The following ABL1 variants were observed in gnomAD, a reference collection of about 807,000 sequenced individuals.
ABL1 encodes ABL proto-oncogene 1, non-receptor tyrosine kinase, also known as tyrosine-protein kinase ABL1.
A neutral mutation model predicts 94.7 loss-of-function variants in ABL1; 11 were observed. That is an observed-to-expected ratio of 0.12 (90% CI 0.07 to 0.19). The LOEUF (loss-of-function observed/expected upper bound fraction) is 0.19, where lower values mean the gene tolerates loss of function less well. Ranked by LOEUF, ABL1 falls within the 10% of genes least tolerant of loss-of-function variation. The pLI is 1.00. For synonymous variants in ABL1, 656 were observed against 622.4 expected, an observed-to-expected ratio of 1.05 and a Z score of -0.80; for missense variants, 1,082 against 1,489.4, an observed-to-expected ratio of 0.73 and a Z score of 4.50.
Position 130,727,963 on chromosome 9 carries a change from T to C in ABL1, c.136+13508T>C, listed in dbSNP as rs142310407. ...AATATTATTGATCTAGGCACACTTC[T>C]GGTAAGACTAATGAAGAAAAAGAAA... On this transcript the variant is annotated intron_variant, in intron 1 of 10. Transcript: ENST00000372348. Among the ~76,000 whole-genome samples, 1,212 of 152,194 alleles carry C rather than the reference T, an allele frequency of 8.0e-3. 15 individuals are homozygous for C. Among genetic ancestry groups the C allele is most frequent in the African/African-American group, 0.027 (1,126 of 41,504 alleles).
intron 1 of ABL1, among the ~76,000 whole-genome samples, chr9:130,753,483 T>C (rs1831995977): frequency 7.2e-6 from 1 of 139,298 alleles, no homozygotes. Context: ...TGGAGTGCAG[T>C]GGTGCAATCT....
intron 1 of ABL1, among the ~76,000 whole-genome samples, chr9:130,771,439 A>T (rs1832250048): frequency 6.6e-6 from 1 of 152,132 alleles, no homozygotes; most frequent in Non-Finnish European, 1.5e-5. Flanking sequence ...ACTTATACAG[A>T]TGCCAAAATA....
intron 1 of ABL1, among the ~76,000 whole-genome samples, chr9:130,788,262 A>G (rs575772364): frequency 2.6e-5 from 4 of 152,198 alleles, no homozygotes; most frequent in Non-Finnish European, 5.9e-5. Flanking sequence ...GAATTCCTAC[A>G]TGTCCTTTAC....
chr9:130,854,017 A>G (rs1245166947), intron 1 of ABL1, 47 bp from the exon 2 acceptor site: 1 of 1,551,660 alleles, frequency 6.4e-7, no homozygotes, highest in Non-Finnish European at 8.7e-7. Flanking sequence ...TTTTCTCCCA[A>G]TTTTCTCTTC....
chr9:130,759,773 C>T (rs564891470), intron 1 of ABL1, among the ~76,000 whole-genome samples: 9 of 152,010 alleles, frequency 5.9e-5, no homozygotes, highest in South Asian at 2.1e-4. Flanking sequence ...CCCTAGGACA[C>T]GCTGTCATTG....
upstream of ABL1, chr9:130,834,900 G>A (rs1268883782): frequency 2.2e-6 from 1 of 455,882 alleles, no homozygotes; most frequent in African/African-American, 2.0e-5. Context: ...GGTTTGCCTG[G>A]CACCGCGTAC....
intron 1 of ABL1, among the ~76,000 whole-genome samples, chr9:130,804,227 T>G (rs914980124): frequency 6.6e-6 from 1 of 151,706 alleles, no homozygotes; most frequent in Admixed American, 6.6e-5. Context: ...GGCGTGGTGG[T>G]GGGCGCCTGT....
At chr9:130,765,501 T>C (rs941178732) in intron 1 of ABL1, among the ~76,000 whole-genome samples, 15 of 152,244 alleles carry the variant, frequency 9.9e-5, no homozygotes, top group African/African-American at 3.4e-4. Flanking sequence ...CTTATGGCCT[T>C]ACGATAAATT....
chr9:130,767,870 A>G (rs1393513913), intron 1 of ABL1, among the ~76,000 whole-genome samples: 2 of 152,250 alleles, frequency 1.3e-5, no homozygotes, highest in Non-Finnish European at 2.9e-5. Context: ...AGAAAGTGAC[A>G]TGTTAAATTC....
intron 1 of ABL1, among the ~76,000 whole-genome samples, chr9:130,811,876 C>A (rs2132855354): frequency 8.1e-6 from 1 of 123,268 alleles, no homozygotes; most frequent in East Asian, 2.4e-4. Context: ...AGTGCTACTG[C>A]ACTGTAGTCT....
rs757303763 is a variant in ABL1, at chr9:130,885,095, G to A, written c.2805G>A (p.Thr935=). ...TCCTGGGCGCAAAGACAAAAGCCACGAGTCTGGTTGATGCTGTGAACAGTG... is the reference window on the plus strand; with the variant it reads ...TCCTGGGCGCAAAGACAAAAGCCACAAGTCTGGTTGATGCTGTGAACAGTG... ...EAVLGAKTKA[T]SLVDAVNSDA... The change falls in exon 11 of 11, where the codon ACG becomes ACA. Residue 935 remains threonine (T), a synonymous_variant. Transcript: ENST00000318560. 26 of 1,610,260 alleles carry A rather than the reference G, an allele frequency of 1.6e-5. No individual in the cohort carries two copies. Among genetic ancestry groups the A allele is most frequent in the African/African-American group, 5.3e-5 (4 of 74,832 alleles).
At chr9:130,849,689 T>C (rs575810968) in intron 1 of ABL1, among the ~76,000 whole-genome samples, 2 of 152,286 alleles carry the variant, frequency 1.3e-5, no homozygotes, top group East Asian at 3.9e-4. Flanking sequence ...GGCTAATTTG[T>C]GTATTTTTAG....
At chr9:130,881,186 C>T (rs569494243) in intron 10 of ABL1, among the ~76,000 whole-genome samples, 8 of 152,292 alleles carry the variant, frequency 5.3e-5, no homozygotes, top group African/African-American at 1.9e-4. Context: ...AGGAGGGGGT[C>T]TCAAGACACT....
intron 1 of ABL1, among the ~76,000 whole-genome samples, chr9:130,828,874 A>T (rs1830460583): frequency 1.3e-5 from 2 of 152,226 alleles, no homozygotes; most frequent in South Asian, 4.1e-4. Flanking sequence ...AGTTTAGTGA[A>T]GTGAGTATTT....
At chr9:130,758,817 C>G (rs1832073956) in intron 1 of ABL1, among the ~76,000 whole-genome samples, 1 of 152,182 alleles carries the variant, frequency 6.6e-6, no homozygotes, top group Non-Finnish European at 1.5e-5. Context: ...TTCCTGTTGA[C>G]CAGTGCCGGC....
chr9:130,717,084 C>T (rs1396171999), intron 1 of ABL1, among the ~76,000 whole-genome samples: 1 of 152,062 alleles, frequency 6.6e-6, no homozygotes, highest in African/African-American at 2.4e-5. Context: ...GCTGTGTTGT[C>T]TAGGCTGGAG....
rs576469969 is a variant in ABL1, at chr9:130,885,986, C to A, written c.*303C>A. ...CCGCCAGCCCCGCTCCCACCTAGTG[C>A]CCCAGACTGAGCTCTCCAGGCCAGG... On this transcript the variant is annotated 3_prime_UTR_variant, in exon 11 of 11. Coordinates refer to ENST00000318560, the MANE Select transcript of ABL1 (RefSeq NM_005157.6). 19 of 416,450 alleles carry A rather than the reference C, an allele frequency of 4.6e-5. No individual in the cohort carries two copies. In the East Asian group the frequency reaches 7.7e-4, roughly 17 times the overall value. 25.8% of individuals were successfully genotyped at this position (416,450 alleles called of 1,614,324 possible). A position where few individuals can be genotyped will look rare whatever the true frequency, so the allele number is the denominator to read the frequency against.
intron 1 of ABL1, among the ~76,000 whole-genome samples, chr9:130,753,790 C>T (rs1832000190): frequency 6.6e-6 from 1 of 152,122 alleles, no homozygotes; most frequent in South Asian, 2.1e-4. Flanking sequence ...AGTATCATGC[C>T]TATTACATAG....
In ABL1 at chr9:130,885,102, GT is replaced by G; in HGVS notation, c.2814del (p.Asp939MetfsTer3). On this transcript the variant is annotated frameshift_variant, in exon 11 of 11. Coordinates refer to ENST00000318560, the MANE Select transcript of ABL1 (RefSeq NM_005157.6). LOFTEE classifies it high-confidence loss of function. ...LGAKTKATSL[V>X]DAVNSDAAKP... ...CGCAAAGACAAAAGCCACGAGTCTGGTTGATGCTGTGAACAGTGACGCTGCC... is the reference window on the plus strand; with the variant it reads ...CGCAAAGACAAAAGCCACGAGTCTGGTGATGCTGTGAACAGTGACGCTGCC... 1 of 1,611,680 alleles carries G rather than the reference GT, an allele frequency of 6.2e-7. No homozygotes were observed. Among genetic ancestry groups the G allele is most frequent in the African/African-American group, 1.3e-5 (1 of 75,024 alleles).
Sources: allele counts gnomAD v4.1 joint callset (sites outside exome capture counted in the v4.1 genomes callset), GRCh38; gene constraint gnomAD v4.1.1; transcripts MANE v1.5; gene names NCBI Gene and HGNC (gene_info 2026-07-23, HGNC 2026-07-21).